Variants in AKR1E2 observed in about 807,000 individuals in gnomAD.
The protein encoded by AKR1E2 is aldo-keto reductase family 1 member E2.
AKR1E2 carries 43 observed loss-of-function variants against 41.9 expected under a neutral mutation model. That is an observed-to-expected ratio of 1.03 (90% CI 0.80 to 1.32). The LOEUF (loss-of-function observed/expected upper bound fraction) is 1.32. Among genes scored for constraint, AKR1E2 ranks in the 40% most tolerant of loss-of-function variants. The pLI is 0.00. For synonymous variants in AKR1E2, 121 were observed against 138.9 expected, an observed-to-expected ratio of 0.87 and a Z score of 0.91; for missense variants, 423 against 396.5, an observed-to-expected ratio of 1.07 and a Z score of -0.57.
At chr10:4,837,604 G>C in intron 5 of AKR1E2, 23 bp downstream of exon 5, 1 of 1,600,632 alleles carries the variant, frequency 6.2e-7, no homozygotes, top group Non-Finnish European at 8.6e-7. Flanking sequence ...AAGCATCAGA[G>C]AGTTTAACCT....
intron 8 of AKR1E2, among the ~76,000 whole-genome samples, chr10:4,843,781 T>C (rs1335581950): frequency 6.6e-6 from 1 of 152,146 alleles, no homozygotes; most frequent in East Asian, 1.9e-4. Flanking sequence ...TCTACAGCAC[T>C]CTCCCTGCCG....
chr10:4,844,296 C>T (rs1174214567), intron 8 of AKR1E2, among the ~76,000 whole-genome samples: 1 of 151,822 alleles, frequency 6.6e-6, no homozygotes, highest in East Asian at 1.9e-4. Flanking sequence ...CCGGTGGGTT[C>T]GTGGTCTTAT....
intron 8 of AKR1E2, among the ~76,000 whole-genome samples, chr10:4,844,115 C>G (rs754734379): frequency 6.6e-6 from 1 of 152,188 alleles, no homozygotes. Context: ...GTGAGTGTTA[C>G]AGTTCTTAAA....
rs1316046721 is a variant in AKR1E2 at position 4,826,330 on chromosome 10, A to C, written c.6A>C (p.Gly2=). Residue 2 remains glycine, a synonymous_variant, in exon 1 of 10, where the codon GGA becomes GGC. Transcript: ENST00000298375. M[G]DIPAVGLSSW... ...CGGGGCGGCCGGCGGCGGCCATGGG[A>C]GATATCCCAGCCGTGGGCCTCAGCT... 2 of 1,234,138 alleles carry C rather than the reference A, an allele frequency of 1.6e-6. No individual in the cohort carries two copies. The highest frequency in any genetic ancestry group is 2.0e-6 in the Non-Finnish European group (2 of 987,512). 76.4% of individuals were successfully genotyped at this position (1,234,138 alleles called of 1,614,324 possible). A position where few individuals can be genotyped will look rare whatever the true frequency, so the allele number is the denominator to read the frequency against.
chr10:4,864,071 A>G, the AKR1E2 span, among the ~76,000 whole-genome samples: 2 of 152,340 alleles, frequency 1.3e-5, no homozygotes, highest in South Asian at 4.1e-4. Context: ...AAACTATTCC[A>G]ATCAATAGAA....
At chr10:4,842,674 A>G (rs773567423) in intron 8 of AKR1E2, among the ~76,000 whole-genome samples, 170 bp downstream of exon 8, 8 of 152,152 alleles carry the variant, frequency 5.3e-5, no homozygotes, top group Non-Finnish European at 8.8e-5. Flanking sequence ...CAAAGGACCC[A>G]GGCTCCTTCC....
At chr10:4,826,198 G>A, upstream of AKR1E2, 1 of 663,008 alleles carries the variant, frequency 1.5e-6, no homozygotes, top group East Asian at 3.4e-5. Context: ...CATTGTCGGA[G>A]TGTCAGCCGT....
intron 4 of AKR1E2, among the ~76,000 whole-genome samples, chr10:4,836,106 G>A (rs1324982509): frequency 6.6e-6 from 1 of 152,002 alleles, no homozygotes; most frequent in Non-Finnish European, 1.5e-5. Flanking sequence ...ATTTATTTCA[G>A]AAAATACAGG....
chr10:4,835,548 TG>T, intron 3 of AKR1E2, 126 bp from the exon 4 acceptor site: 1 of 1,217,088 alleles, frequency 8.2e-7, no homozygotes, highest in Non-Finnish European at 1.1e-6. Context: ...AGACTGGGCC[TG>T]GTCACATGGC....
intron 3 of AKR1E2, among the ~76,000 whole-genome samples, chr10:4,834,473 A>T (rs139530322): frequency 6.6e-6 from 1 of 152,326 alleles, no homozygotes; most frequent in African/African-American, 2.4e-5. Flanking sequence ...AGAAAATCAT[A>T]ATTAAAACAA....
chr10:4,841,089 T>C (rs1833834191), intron 6 of AKR1E2, among the ~76,000 whole-genome samples: 1 of 152,104 alleles, frequency 6.6e-6, no homozygotes, highest in Non-Finnish European at 1.5e-5. Context: ...AGCTGAGCTT[T>C]GGGGTAGCGG....
At chr10:4,828,261 G>A (rs1289587600) in intron 1 of AKR1E2, among the ~76,000 whole-genome samples, 1 of 152,158 alleles carries the variant, frequency 6.6e-6, no homozygotes, top group African/African-American at 2.4e-5. Context: ...CACATCTCCT[G>A]TCCTCGTGCG....
At chr10:4,830,618 G>C (rs1438607242) in intron 1 of AKR1E2, 57 bp from the exon 2 acceptor site, 2 of 1,595,976 alleles carry the variant, frequency 1.3e-6, no homozygotes, top group Admixed American at 1.7e-5. Context: ...TGAAAGGGGA[G>C]ATTTGTGTTG....
Position 4,830,672 on chromosome 10 carries a change from C to T in AKR1E2, c.40-3C>T. On this transcript the variant is annotated splice_region_variant and splice_polypyrimidine_tract_variant and intron_variant, in intron 1 of 9. Coordinates refer to ENST00000298375, the MANE Select transcript of AKR1E2 (RefSeq NM_001040177.3). ...AAGACACTTTGTTTTGTTGGTTTTG[C>T]AGGCTTCTCCAGGGAAAGTGACCGA... is the stretch of plus-strand genomic sequence containing the variant. The T allele has an allele frequency of 1.2e-6, 2 of 1,613,564 alleles. No individual in the cohort carries two copies. Among genetic ancestry groups the T allele is most frequent in the Non-Finnish European group, 1.7e-6 (2 of 1,179,660 alleles).
At chr10:4,856,093 T>G in the AKR1E2 span, among the ~76,000 whole-genome samples, 1 of 152,206 alleles carries the variant, frequency 6.6e-6, no homozygotes, top group Non-Finnish European at 1.5e-5. Flanking sequence ...GTGTAACATA[T>G]ATTTGAGACT....
At chr10:4,831,071 C>A (rs1343333105) in intron 2 of AKR1E2, among the ~76,000 whole-genome samples, 1 of 152,182 alleles carries the variant, frequency 6.6e-6, no homozygotes, top group East Asian at 1.9e-4. Context: ...ATTAACAATA[C>A]ATTATCAAAA....
the AKR1E2 span, among the ~76,000 whole-genome samples, chr10:4,870,224 TC>T: frequency 6.6e-6 from 1 of 151,966 alleles, no homozygotes; most frequent in African/African-American, 2.4e-5. Context: ...TCCTTTACCC[TC>T]CCCCATTTAT....
At chr10:4,847,429 T>C in intron 9 of AKR1E2, 59 bp from the exon 10 acceptor site, 1 of 1,592,260 alleles carries the variant, frequency 6.3e-7, no homozygotes. Context: ...TTTAAAATGT[T>C]TCTCTTAAAA....
chr10:4,826,250 G>A lies in AKR1E2; in HGVS notation c.-75G>A. The stretch of plus-strand genomic sequence containing the variant: ...CCAGTCGCAACGGCGGGTCGCCAGC[G>A]CCGCAGTAGCTCGCGCGGTGCCTGT... On this transcript the variant is annotated 5_prime_UTR_variant, in exon 1 of 10. Transcript: ENST00000298375. The A allele has an allele frequency of 8.5e-7, 1 of 1,174,666 alleles. No homozygotes were observed. The highest frequency in any genetic ancestry group is 1.1e-6 in the Non-Finnish European group (1 of 935,078). The allele number at this position is 1,174,666 out of a possible 1,614,324, so 72.8% of individuals were successfully genotyped here.
Sources: gnomAD v4.1 joint callset for allele counts (sites outside exome capture counted in the v4.1 genomes callset) on GRCh38, gnomAD v4.1.1 for gene constraint, MANE v1.5 for transcripts, NCBI Gene and HGNC (gene_info 2026-07-23, HGNC 2026-07-21) for gene names.